Variants in RSPH14 observed in about 807,000 individuals in gnomAD.
The protein encoded by RSPH14 is radial spoke head 14 homolog.
A neutral mutation model predicts 26.7 loss-of-function variants in RSPH14; 20 were observed. The ratio of observed to expected loss-of-function variants is 0.75; its 90% CI spans 0.53 to 1.09. RSPH14 has a LOEUF of 1.09. Ranked by LOEUF, RSPH14 falls within the 50% of genes least tolerant of loss-of-function variation. The pLI is 0.00. For missense variants in RSPH14, 449 were observed against 457.2 expected, an observed-to-expected ratio of 0.98 and a Z score of 0.16; for synonymous variants, 177 against 189.3, an observed-to-expected ratio of 0.93 and a Z score of 0.53.
the RSPH14 span, among the ~76,000 whole-genome samples, chr22:23,179,064 T>A: frequency 6.6e-6 from 1 of 152,034 alleles, no homozygotes; most frequent in African/African-American, 2.4e-5. Context: ...ACTGCTGAGG[T>A]CACACAGCCA....
At chr22:23,174,521 G>A in the RSPH14 span, among the ~76,000 whole-genome samples, 2 of 152,214 alleles carry the variant, frequency 1.3e-5, no homozygotes, top group African/African-American at 2.4e-5. Flanking sequence ...TTTTAGTTTC[G>A]AGATTTAAAA....
chr22:23,173,622 G>GTTTTTTTT, the RSPH14 span, among the ~76,000 whole-genome samples: 5 of 112,282 alleles, frequency 4.5e-5, 1 homozygote, highest in African/African-American at 7.0e-5. Flanking sequence ...TTTATTTTTG[G>GTTTTTTTT]TTTTTTGTTT....
chr22:23,107,290 T>C (rs553574004), intron 4 of RSPH14, among the ~76,000 whole-genome samples: 12 of 152,264 alleles, frequency 7.9e-5, no homozygotes, highest in African/African-American at 2.6e-4. Context: ...GCCCCATCTG[T>C]CGCTGGCCTG....
chr22:23,156,095 C>A, the RSPH14 span: 2 of 1,455,518 alleles, frequency 1.4e-6, no homozygotes, highest in Non-Finnish European at 1.9e-6. Context: ...CCGGGCTCCA[C>A]AGTGGGAATC....
At chr22:23,148,635 G>C (rs1173614192), upstream of RSPH14, among the ~76,000 whole-genome samples, 1 of 152,218 alleles carries the variant, frequency 6.6e-6, no homozygotes, top group Non-Finnish European at 1.5e-5. Context: ...CCAGGGCCCT[G>C]AGAAATTCAG....
chr22:23,134,654 C>A (rs1470178459), intron 3 of RSPH14, among the ~76,000 whole-genome samples: 2 of 151,070 alleles, frequency 1.3e-5, no homozygotes, highest in Non-Finnish European at 2.9e-5. Context: ...GACTTGAGGT[C>A]AGGAGTTCGA....
chr22:23,073,736 C>T (rs980091809), intron 4 of RSPH14, among the ~76,000 whole-genome samples: 1 of 152,210 alleles, frequency 6.6e-6, no homozygotes, highest in Admixed American at 6.5e-5. Context: ...TCACGCGATT[C>T]ATCCATTCAT....
chr22:23,160,816 C>T, the RSPH14 span: 29 of 1,572,406 alleles, frequency 1.8e-5, no homozygotes, highest in Admixed American at 2.8e-4. Context: ...GCTTTCACAC[C>T]CAGATGCATT....
chr22:23,085,786 AG>A (rs1015593744), intron 4 of RSPH14, among the ~76,000 whole-genome samples: 1 of 152,214 alleles, frequency 6.6e-6, no homozygotes, highest in African/African-American at 2.4e-5. Context: ...GGGACAGAGC[AG>A]GGGGCTGCAA....
At chr22:23,101,590 T>C (rs1261507452) in intron 4 of RSPH14, among the ~76,000 whole-genome samples, 1 of 152,194 alleles carries the variant, frequency 6.6e-6, no homozygotes, top group East Asian at 1.9e-4. Context: ...GTCAAGGGCA[T>C]AGCTCCAAGC....
intron 4 of RSPH14, among the ~76,000 whole-genome samples, chr22:23,112,925 T>C (rs2069695213): frequency 6.6e-6 from 1 of 152,168 alleles, no homozygotes; most frequent in Non-Finnish European, 1.5e-5. Flanking sequence ...TGCTGTGCCA[T>C]GGAATACCAG....
chr22:23,070,867 G>C (rs1484963771), intron 4 of RSPH14: 1 of 152,102 alleles, frequency 6.6e-6, no homozygotes, highest in Non-Finnish European at 1.5e-5. Flanking sequence ...GACAGAGGGC[G>C]CCGGGGATGC....
chr22:23,146,538 A>G, upstream of RSPH14: 1 of 1,571,902 alleles, frequency 6.4e-7, no homozygotes, highest in Non-Finnish European at 8.7e-7. Context: ...TTAGGTGGAA[A>G]CTCATGGGTG....
intron 4 of RSPH14, among the ~76,000 whole-genome samples, chr22:23,085,025 T>C (rs931324477): frequency 1.3e-5 from 2 of 152,132 alleles, no homozygotes; most frequent in Admixed American, 1.3e-4. Context: ...CACCTGCCAC[T>C]AGGTGGGGAG....
chr22:23,088,540 C>T (rs532098871), intron 4 of RSPH14, among the ~76,000 whole-genome samples: 64 of 152,340 alleles, frequency 4.2e-4, no homozygotes, highest in African/African-American at 1.4e-3. Context: ...GTCATAGCCC[C>T]GCTTGGGGCA....
In RSPH14 at chr22:23,134,092, C is replaced by A; in HGVS notation, c.355G>T (p.Asp119Tyr). The change falls in exon 4 of 7, where the codon GAC becomes TAC. Residue 119 changes from aspartate to tyrosine, a missense_variant. Physicochemically the swap from Asp to Tyr is radical, Grantham distance 160. Transcript: ENST00000216036. Reference sequence around the variant, plus strand: ...TTCCCCCGGCAGACTGGGCTGGGGTCATTCAGCAGGAAGGACAGGGCAAGG... The same window carrying A: ...TTCCCCCGGCAGACTGGGCTGGGGTAATTCAGCAGGAAGGACAGGGCAAGG... ...IVLALSFLLN[D>Y]PSPVCRGNLY... 6 of 1,613,526 alleles carry A rather than the reference C, an allele frequency of 3.7e-6. No individual in the cohort carries two copies. Among genetic ancestry groups the A allele is most frequent in the Non-Finnish European group, 5.1e-6 (6 of 1,179,658 alleles).
At chr22:23,077,194 A>C (rs1421283555) in intron 4 of RSPH14, among the ~76,000 whole-genome samples, 2 of 151,694 alleles carry the variant, frequency 1.3e-5, no homozygotes, top group African/African-American at 4.9e-5. Context: ...GCTTTAACCC[A>C]CCCTATCTCT....
At chr22:23,168,442 C>T in the RSPH14 span, among the ~76,000 whole-genome samples, 1 of 152,188 alleles carries the variant, frequency 6.6e-6, no homozygotes, top group Non-Finnish European at 1.5e-5. Flanking sequence ...CCCCTCCTCT[C>T]CTGAGGGAGA....
chr22:23,061,689 T>A (rs538923566), intron 6 of RSPH14, 120 bp downstream of exon 6: 3 of 1,330,972 alleles, frequency 2.3e-6, no homozygotes, highest in South Asian at 3.0e-5. Flanking sequence ...GGGGAGGTTT[T>A]TTTTTTTTTT....
Sources: allele counts gnomAD v4.1 joint callset (sites outside exome capture counted in the v4.1 genomes callset), GRCh38; gene constraint gnomAD v4.1.1; transcripts MANE v1.5; gene names NCBI Gene and HGNC (gene_info 2026-07-23, HGNC 2026-07-21).